The following GALNT2 variants were observed in gnomAD, a reference collection of about 807,000 sequenced individuals.
GALNT2 encodes the protein UDP-GalNAc:polypeptide N-acetylgalactosaminyltransferase 2.
A neutral mutation model predicts 81.4 loss-of-function variants in GALNT2; 31 were observed. The ratio of observed to expected loss-of-function variants is 0.38; its 90% CI spans 0.29 to 0.51. GALNT2 has a LOEUF of 0.51. Among genes scored for constraint, GALNT2 ranks in the 20% least tolerant of loss-of-function variants. The probability of loss-of-function intolerance (pLI) is 0.87; values close to 1 mark genes in which losing one functional copy is unlikely to be tolerated. For missense variants in GALNT2, 629 were observed against 765.7 expected (o/e 0.82, Z 2.11); for synonymous variants, 303 against 287.4 (o/e 1.05, Z -0.55).
intron 1 of GALNT2, among the ~76,000 whole-genome samples, chr1:230,145,492 A>G (rs1256210748): frequency 6.6e-6 from 1 of 152,250 alleles, no homozygotes; most frequent in East Asian, 1.9e-4. Context: ...TTGTTATCAC[A>G]TACTGTAGGG....
intron 14 of GALNT2, 22 bp downstream of exon 14, chr1:230,265,389 G>A: frequency 1.2e-6 from 2 of 1,614,140 alleles, no homozygotes; most frequent in Non-Finnish European, 1.7e-6. Flanking sequence ...GGGAAGCCAG[G>A]TCACCTGCAG....
intron 1 of GALNT2, among the ~76,000 whole-genome samples, chr1:230,081,098 G>T (rs573966003): frequency 6.6e-6 from 1 of 152,264 alleles, no homozygotes; most frequent in African/African-American, 2.4e-5. Context: ...TCCAGCCTCC[G>T]CAGACCATGC....
At chr1:230,069,101 C>G (rs1659294536) in intron 1 of GALNT2, among the ~76,000 whole-genome samples, 1 of 152,290 alleles carries the variant, frequency 6.6e-6, no homozygotes, top group Non-Finnish European at 1.5e-5. Context: ...TTTCCTTAGT[C>G]TGCCACTTTC....
intron 3 of GALNT2, among the ~76,000 whole-genome samples, chr1:230,227,597 G>A (rs1254544503): frequency 6.6e-6 from 1 of 150,904 alleles, no homozygotes; most frequent in Admixed American, 6.6e-5. Context: ...TTTGTTTTAG[G>A]AATGTAAAAA....
chr1:230,161,482 T>C (rs758388331), intron 1 of GALNT2, among the ~76,000 whole-genome samples: 3 of 152,328 alleles, frequency 2.0e-5, no homozygotes, highest in African/African-American at 7.2e-5. Flanking sequence ...CAAAGAAATA[T>C]GGCCACTTCC....
At chr1:230,110,597 T>C (rs890845311) in intron 1 of GALNT2, among the ~76,000 whole-genome samples, 2 of 152,212 alleles carry the variant, frequency 1.3e-5, no homozygotes, top group Admixed American at 6.5e-5. Context: ...GTGTGCTGCA[T>C]ACAGTGATAA....
chr1:230,219,697 A>G (rs116167486), intron 3 of GALNT2, among the ~76,000 whole-genome samples: 1,770 of 152,270 alleles, frequency 0.012, 30 homozygotes, highest in African/African-American at 0.041. Flanking sequence ...TCTGACGTGG[A>G]TGCATTCCAG....
chr1:230,141,788 C>CCTT (rs1661744607), intron 1 of GALNT2, among the ~76,000 whole-genome samples: 1 of 101,326 alleles, frequency 9.9e-6, no homozygotes, highest in South Asian at 3.7e-4. Flanking sequence ...TTTTGTTTTC[C>CCTT]TTTTTTTTTT....
At chr1:230,068,690 T>G (rs1054051044) in intron 1 of GALNT2, among the ~76,000 whole-genome samples, 10 of 152,140 alleles carry the variant, frequency 6.6e-5, no homozygotes, top group Non-Finnish European at 1.0e-4. Context: ...TAGCCGAAGA[T>G]GTTAGGTGGA....
chr1:230,068,852 G>C (rs1462144933), intron 1 of GALNT2, among the ~76,000 whole-genome samples: 1 of 152,204 alleles, frequency 6.6e-6, no homozygotes, highest in Non-Finnish European at 1.5e-5. Context: ...GGTATAGGTA[G>C]TATATGTACG....
In GALNT2 at chr1:230,221,659, GTTAT is replaced by G. The variant is rs923622130; in HGVS notation, c.375-14352_375-14349del. ...TTCAGAAAAACTGATTTGTAAAGGAGTTATTTGTTTCTTGGAGCTCACCTTTCAA... is the reference window on the plus strand; with the variant it reads ...TTCAGAAAAACTGATTTGTAAAGGAGTTGTTTCTTGGAGCTCACCTTTCAA... On this transcript the variant is annotated intron_variant, in intron 3 of 15. Coordinates refer to ENST00000366672, the MANE Select transcript of GALNT2 (RefSeq NM_004481.5). Among the ~76,000 whole-genome samples, 10 of 152,290 alleles carry G rather than the reference GTTAT, an allele frequency of 6.6e-5. No homozygotes were observed. In the South Asian group the frequency reaches 1.2e-3, roughly 19 times the overall value.
intron 1 of GALNT2, among the ~76,000 whole-genome samples, chr1:230,155,517 T>A (rs1662223699): frequency 2.0e-5 from 3 of 152,164 alleles, no homozygotes; most frequent in Admixed American, 2.0e-4. Context: ...TTTAGCTTCT[T>A]TCAGGATCTT....
At chr1:230,153,913 A>G (rs1230509831) in intron 1 of GALNT2, among the ~76,000 whole-genome samples, 1 of 152,214 alleles carries the variant, frequency 6.6e-6, no homozygotes, top group African/African-American at 2.4e-5. Context: ...CAAAAAAGCT[A>G]CTGGTGCCCA....
intron 1 of GALNT2, among the ~76,000 whole-genome samples, chr1:230,083,999 T>C (rs1389709808): frequency 6.6e-6 from 1 of 152,168 alleles, no homozygotes; most frequent in African/African-American, 2.4e-5. Context: ...TTGGCGTACA[T>C]GCCTGTGAAG....
intron 1 of GALNT2, among the ~76,000 whole-genome samples, chr1:230,145,313 C>T (rs1661881332): frequency 6.6e-6 from 1 of 152,178 alleles, no homozygotes; most frequent in Non-Finnish European, 1.5e-5. Flanking sequence ...CCCCTGACCC[C>T]TAAGTTTGTG....
At chr1:230,190,564 G>A (rs1325254490) in intron 2 of GALNT2, among the ~76,000 whole-genome samples, 2 of 152,206 alleles carry the variant, frequency 1.3e-5, no homozygotes, top group Non-Finnish European at 2.9e-5. Context: ...GGGATTTGCT[G>A]AGACGTCTCT....
In GALNT2 at chr1:230,067,362, G is replaced by A; in HGVS notation, c.82G>A (p.Gly28Ser). 1 of 1,356,038 alleles carries A rather than the reference G, an allele frequency of 7.4e-7. No homozygotes were observed. 84.0% of individuals were successfully genotyped at this position (1,356,038 alleles called of 1,614,324 possible). A position where few individuals can be genotyped will look rare whatever the true frequency, so the allele number is the denominator to read the frequency against. Residue 28 changes from glycine to serine, a missense_variant, in exon 1 of 16, where the codon GGC becomes AGC. Gly to Ser is a moderately conservative substitution (Grantham distance 56). Coordinates refer to ENST00000366672, the MANE Select transcript of GALNT2 (RefSeq NM_004481.5). The stretch of plus-strand genomic sequence containing the variant: ...CGCCTACTACATGTACTCGGGGGGC[G>A]GCTCTGCGCTGGCCGGGGGCGCGGG... ...GIAYYMYSGG[G>S]SALAGGAGGG...
intron 11 of GALNT2, among the ~76,000 whole-genome samples, chr1:230,256,439 C>CT (rs1206904763): frequency 7.8e-6 from 1 of 128,104 alleles, no homozygotes; most frequent in East Asian, 2.6e-4. Context: ...GAGCGAGACT[C>CT]TGTCTCAAAA....
intron 3 of GALNT2, among the ~76,000 whole-genome samples, chr1:230,218,221 C>T (rs1295023458): frequency 1.3e-5 from 2 of 152,142 alleles, no homozygotes; most frequent in African/African-American, 2.4e-5. Context: ...TATGCTGAAT[C>T]GGATGTGGAA....
Sources: gnomAD v4.1 joint callset for allele counts (sites outside exome capture counted in the v4.1 genomes callset) on GRCh38, gnomAD v4.1.1 for gene constraint, MANE v1.5 for transcripts, NCBI Gene and HGNC (gene_info 2026-07-23, HGNC 2026-07-21) for gene names.